LTBP3: variants seen among roughly 807,000 people sequenced by gnomAD.
LTBP3 encodes the protein latent transforming growth factor beta binding protein 3, also known as latent-transforming growth factor beta-binding protein 3.
LTBP3 carries 97 observed loss-of-function variants against 159.7 expected under a neutral mutation model. The observed-to-expected ratio is 0.61, with a 90% CI of 0.52 to 0.72. LTBP3 has a LOEUF of 0.72. Ranked by LOEUF, LTBP3 falls within the 30% of genes least tolerant of loss-of-function variation. LTBP3 has a pLI of 0.00. For synonymous variants in LTBP3, 824 were observed against 777.1 expected (o/e 1.06, Z -1.00); for missense variants, 1,584 against 1,864.3 (o/e 0.85, Z 2.77).
In LTBP3 at chr11:65,538,797, A is replaced by G. The variant is rs1465933038; in HGVS notation, c.*283T>C. 4 of 806,144 alleles carry G rather than the reference A, an allele frequency of 5.0e-6. No homozygotes were observed. Among genetic ancestry groups the G allele is most frequent in the East Asian group, 6.0e-5 (2 of 33,500 alleles). The allele number at this position is 806,144 out of a possible 1,614,324, so 49.9% of individuals were successfully genotyped here. ...GCGCCCACGTCAGACGTGAACATCAATTTGCTTCGAAAGCCAAGGGTAAAG... is the reference window on the plus strand; with the variant it reads ...GCGCCCACGTCAGACGTGAACATCAGTTTGCTTCGAAAGCCAAGGGTAAAG... On this transcript the variant is annotated 3_prime_UTR_variant, in exon 28 of 28. Transcript: ENST00000301873.
chr11:65,539,031 A>G lies in LTBP3; in HGVS notation c.*49T>C. ...GCAGAAGTGAGGCCGAGCTCGCGGA[A>G]ATCCCTCAGTGATCACCGAGGTCTG... On this transcript the variant is annotated 3_prime_UTR_variant, in exon 28 of 28. Coordinates refer to ENST00000301873, the MANE Select transcript of LTBP3 (RefSeq NM_001130144.3). 7.5e-7 allele frequency: 1 copy of G among 1,330,344 alleles called. No homozygotes were observed. Among genetic ancestry groups the G allele is most frequent in the Non-Finnish European group, 9.6e-7 (1 of 1,041,698 alleles). 82.4% of individuals were successfully genotyped at this position (1,330,344 alleles called of 1,614,324 possible). A position where few individuals can be genotyped will look rare whatever the true frequency, so the allele number is the denominator to read the frequency against.
chr11:65,542,919 T>A (rs1856203959), intron 18 of LTBP3, 186 bp downstream of exon 18: 1 of 814,618 alleles, frequency 1.2e-6, no homozygotes, highest in Non-Finnish European at 2.0e-6. Context: ...AATGGAAGGA[T>A]GGATGGATAG....
At position 65,541,860 on chromosome 11, in the gene LTBP3, G is replaced by GT. The variant is rs77639728; in HGVS notation, c.2597-133dup. 0.066 allele frequency: 68,470 copies of GT among 1,031,804 alleles called. 2,957 individuals are homozygous for GT. The highest frequency in any genetic ancestry group is 0.14 in the South Asian group (10,513 of 72,934). The allele number at this position is 1,031,804 out of a possible 1,614,324, so 63.9% of individuals were successfully genotyped here. On this transcript the variant is annotated intron_variant, in intron 18 of 27. Transcript: ENST00000301873. The stretch of plus-strand genomic sequence containing the variant: ...AAGTATGTACAGCAGGAAGTCTGCT[G>GT]TGTCTGTGCATGTGTCTGAATGTGC...
chr11:65,554,325 G>A lies in LTBP3; in HGVS notation c.387C>T (p.Cys129=). 1 of 1,612,366 alleles carries A rather than the reference G, an allele frequency of 6.2e-7. No individual in the cohort carries two copies. Among genetic ancestry groups the A allele is most frequent in the Non-Finnish European group, 8.5e-7 (1 of 1,179,802 alleles). ...NGGQCSSRNQ[C]LCPPDFTGRF... ...GCCCAGTGAAGTCCGGGGGACACAG[G>A]CACTGGTTTCGCGAGGAGCACTGGC... The change falls in exon 2 of 28, where the codon TGC becomes TGT. Residue 129 remains cysteine, a synonymous_variant. Coordinates refer to ENST00000301873, the MANE Select transcript of LTBP3 (RefSeq NM_001130144.3). This position sits in a 1 kb window ranked among gnomAD's most constrained non-coding sequence, Gnocchi z 5.3.
At chr11:65,548,224 G>T in intron 11 of LTBP3, 179 bp from the exon 12 acceptor site, 15 of 897,730 alleles carry the variant, frequency 1.7e-5, no homozygotes, top group Non-Finnish European at 2.6e-5. Context: ...ACCCCAGAAA[G>T]CTCCAAACTA....
chr11:65,542,797 C>T, intron 18 of LTBP3: 1 of 397,110 alleles, frequency 2.5e-6, no homozygotes, highest in Non-Finnish European at 4.9e-6. Flanking sequence ...GAGTGCCTGG[C>T]ACATAGTAAG....
In LTBP3 at chr11:65,539,250, G is replaced by A. The variant is rs780086002; in HGVS notation, c.3761-19C>T. Reference sequence around the variant, plus strand: ...TCGATATCTGAAGGTGAGGGCGACAGGTGCGGCTTCGCTGAGCCTCCAGGC... The same window carrying A: ...TCGATATCTGAAGGTGAGGGCGACAAGTGCGGCTTCGCTGAGCCTCCAGGC... On this transcript the variant is annotated intron_variant, in intron 27 of 27. Coordinates refer to ENST00000301873, the MANE Select transcript of LTBP3 (RefSeq NM_001130144.3). 9.6e-5 allele frequency: 147 copies of A among 1,523,732 alleles called. No individual in the cohort carries two copies. Among genetic ancestry groups the A allele is most frequent in the South Asian group, 4.3e-4 (36 of 83,064 alleles). The allele number at this position is 1,523,732 out of a possible 1,614,324, so 94.4% of individuals were successfully genotyped here.
At chr11:65,540,703 C>CGGGCGGGGCCTATAGGAG in intron 21 of LTBP3, 89 bp from the exon 22 acceptor site, 1 of 1,243,484 alleles carries the variant, frequency 8.0e-7, no homozygotes, top group Non-Finnish European at 1.1e-6. Context: ...AAGCCATCCC[C>CGGGCGGGGCCTATAGGAG]GGGCGGGGCC....
Position 65,546,924 on chromosome 11 carries a change from C to T in LTBP3, c.2108-4G>A. 1 of 1,611,382 alleles carries T rather than the reference C, an allele frequency of 6.2e-7. No homozygotes were observed. Reference sequence around the variant, plus strand: ...GGGTCCCGGCACTCGTCGATGTCTGCACGGGAGGGAGAAGGAAGAGGACCC... The same window carrying T: ...GGGTCCCGGCACTCGTCGATGTCTGTACGGGAGGGAGAAGGAAGAGGACCC... On this transcript the variant is annotated splice_polypyrimidine_tract_variant and splice_region_variant and intron_variant, in intron 14 of 27. Transcript: ENST00000301873. This position sits in a 1 kb window ranked among gnomAD's most constrained non-coding sequence, Gnocchi z 4.0.
rs367657930 is a variant in LTBP3, at chr11:65,548,256, C to G, written c.1721-211G>C. ...ACTAGGACTCCAGGCCCCTGACAGC[C>G]GTATCACCCCACACCCAGGCCCGGA... On this transcript the variant is annotated intron_variant, in intron 11 of 27. Transcript: ENST00000301873. 23 of 688,910 alleles carry G rather than the reference C, an allele frequency of 3.3e-5. No individual in the cohort carries two copies. In the South Asian group the frequency reaches 3.8e-4, roughly 11 times the overall value. The allele number at this position is 688,910 out of a possible 1,614,324, so 42.7% of individuals were successfully genotyped here.
chr11:65,545,551 C>T (rs1027325960), intron 16 of LTBP3: 8 of 231,008 alleles, frequency 3.5e-5, no homozygotes, highest in Non-Finnish European at 6.0e-5. Context: ...TTATCACCCT[C>T]GCTTTCACTT....
rs1856104693 is a variant in LTBP3, at chr11:65,540,940, G to A, written c.2908C>T (p.Leu970Phe). 5 of 1,613,532 alleles carry A rather than the reference G, an allele frequency of 3.1e-6. No homozygotes were observed. Among genetic ancestry groups the A allele is most frequent in the Non-Finnish European group, 4.2e-6 (5 of 1,179,788 alleles). The change falls in exon 21 of 28, where the codon CTC (leucine) becomes TTC (phenylalanine). Residue 970 changes from leucine (L) to phenylalanine (F), a missense_variant. By Grantham distance (22) the Leu-to-Phe change is conservative (BLOSUM62 0). This residue lies in a region of LTBP3 where 514 missense variants were observed against 530.3 expected (regional missense o/e 0.97). Transcript: ENST00000301873. The part of the protein sequence containing the change: ...PVYSSAEFHS[L>F]CPDGKGYTQD... ...GTGTAGCCCTTTCCGTCTGGGCAGA[G>A]GCTGTGGAACTCGGCTGCAGGGGCA...
chr11:65,552,913 C>A lies in LTBP3; in HGVS notation c.1133G>T (p.Arg378Leu). ...ACTATGGCCAGGTGGGCAGACACAG[C>A]GATAGGAGCCAGGGTTGTTGAGGCA... Reference protein sequence around the residue: ...GDCLNNPGSYRCVCPPGHSLG... With the variant: ...GDCLNNPGSYLCVCPPGHSLG... Residue 378 changes from arginine (R) to leucine (L), a missense_variant, in exon 6 of 28, where the codon CGC becomes CTC. By Grantham distance (102) the Arg-to-Leu change is moderately radical. Coordinates refer to ENST00000301873, the MANE Select transcript of LTBP3 (RefSeq NM_001130144.3). This position sits in a 1 kb window ranked among gnomAD's most constrained non-coding sequence, Gnocchi z 6.0. 1.9e-6 allele frequency: 3 copies of A among 1,614,196 alleles called. No homozygotes were observed. The highest frequency in any genetic ancestry group is 2.5e-6 in the Non-Finnish European group (3 of 1,180,008).
At chr11:65,548,494 A>C in intron 11 of LTBP3, 5 of 240,910 alleles carry the variant, frequency 2.1e-5, no homozygotes, top group South Asian at 6.6e-5. Flanking sequence ...CAGGGACCCG[A>C]CCCCCTATTC....
At position 65,539,183 on chromosome 11, in the gene LTBP3, C is replaced by T. The variant is rs1423419941; in HGVS notation, c.3809G>A (p.Ser1270Asn). The T allele has an allele frequency of 6.6e-7, 1 of 1,519,932 alleles. No individual in the cohort carries two copies. Among genetic ancestry groups the T allele is most frequent in the South Asian group, 1.2e-5 (1 of 82,544 alleles). The allele number at this position is 1,519,932 out of a possible 1,614,324, so 94.2% of individuals were successfully genotyped here. Residue 1270 changes from serine to asparagine, a missense_variant, in exon 28 of 28, where the codon AGC becomes AAC. Around this residue, in one of 6 missense-constraint regions of LTBP3, gnomAD observed 514 missense variants for 530.3 expected, o/e 0.97. Transcript: ENST00000301873. Reference sequence around the variant, plus strand: ...GCCGCTGGTGTTCACGCAGCGCTCGCTCTTGCACAGCAGCCCGCGCTGGTT... The same window carrying T: ...GCCGCTGGTGTTCACGCAGCGCTCGTTCTTGCACAGCAGCCCGCGCTGGTT... ...ELNQRGLLCKSERCVNTSGSF... is the reference protein window; with the variant it reads ...ELNQRGLLCKNERCVNTSGSF...
chr11:65,538,986 G>T lies in LTBP3; in HGVS notation c.*94C>A. 7.6e-7 allele frequency: 1 copy of T among 1,316,656 alleles called. No homozygotes were observed. Among genetic ancestry groups the T allele is most frequent in the Non-Finnish European group, 9.7e-7 (1 of 1,034,156 alleles). 81.6% of individuals were successfully genotyped at this position (1,316,656 alleles called of 1,614,324 possible). ...GGTCTGCGGGCCCTGAAGGTCCCTG[G>T]GTCCGAGCCACAAGTCGGGGCAGAA... On this transcript the variant is annotated 3_prime_UTR_variant, in exon 28 of 28. Transcript: ENST00000301873.
In LTBP3 at chr11:65,549,616, C is replaced by T. The variant is rs1248193367; in HGVS notation, c.1720+1510G>A. Among the ~76,000 whole-genome samples, 3 of 100,120 alleles carry T rather than the reference C, an allele frequency of 3.0e-5. 1 individual carries two copies. The East Asian group carries it at 1.0e-3, about 35-fold the overall frequency. 65.7% of individuals were successfully genotyped at this position (100,120 alleles called of 152,430 possible). On this transcript the variant is annotated intron_variant, in intron 11 of 27. Transcript: ENST00000301873. Reference sequence around the variant, plus strand: ...TGGATTTTTAGTAGAGACTGGGTTTCACTATGTTGGCCAGGATGGTCTCAA... The same window carrying T: ...TGGATTTTTAGTAGAGACTGGGTTTTACTATGTTGGCCAGGATGGTCTCAA...
rs536370608 is a variant in LTBP3, at chr11:65,539,133, C to T, written c.3859G>A (p.Gly1287Ser). 890 of 1,484,904 alleles carry T rather than the reference C, an allele frequency of 6.0e-4. 1 individual carries two copies. Among genetic ancestry groups the T allele is most frequent in the Non-Finnish European group, 7.7e-4 (853 of 1,113,966 alleles). The allele number at this position is 1,484,904 out of a possible 1,614,324, so 92.0% of individuals were successfully genotyped here. ...SGSFRCVCKA[G>S]FARSRPHGAC... ...CCGTGCGGGCGGCTGCGCGCGAAGC[C>T]GGCTTTGCAGACGCAGCGGAAGGAG... Residue 1287 changes from glycine to serine, a missense_variant, in exon 28 of 28, where the codon GGC becomes AGC. Coordinates refer to ENST00000301873, the MANE Select transcript of LTBP3 (RefSeq NM_001130144.3).
chr11:65,552,060 G>A lies in LTBP3; in HGVS notation c.1443C>T (p.Phe481=). The part of the protein sequence containing the change: ...TIQGESDFSL[F]LHPDGPPKPQ... ...GCTTGGGTGGCCCGTCAGGGTGCAG[G>A]AAAAGGGAAAAGTCACTCTCGCCCT... Residue 481 remains phenylalanine, a synonymous_variant, in exon 8 of 28, where the codon TTC becomes TTT. Transcript: ENST00000301873. This position sits in a 1 kb window ranked among gnomAD's most constrained non-coding sequence, Gnocchi z 6.0. 1 of 1,614,104 alleles carries A rather than the reference G, an allele frequency of 6.2e-7. No individual in the cohort carries two copies.
Sources: allele counts gnomAD v4.1 joint callset (sites outside exome capture counted in the v4.1 genomes callset), GRCh38; gene constraint gnomAD v4.1.1; regional missense constraint gnomAD v4.1.1; non-coding constraint Gnocchi (gnomAD v3.1); transcripts MANE v1.5; gene names NCBI Gene and HGNC (gene_info 2026-07-23, HGNC 2026-07-21).